Variants in BABAM2 observed in about 807,000 individuals in gnomAD.
BABAM2 encodes the protein BRISC and BRCA1-A complex member 2.
A neutral mutation model predicts 54.7 loss-of-function variants in BABAM2; 31 were observed. The ratio of observed to expected loss-of-function variants is 0.57; its 90% confidence interval spans 0.43 to 0.77. The LOEUF is 0.77. Ranked by LOEUF, BABAM2 falls within the 30% of genes least tolerant of loss-of-function variation. The pLI is 0.00. For synonymous variants in BABAM2, 167 were observed against 162.9 expected (o/e 1.03, Z -0.19); for missense variants, 364 against 455.8 (o/e 0.80, Z 1.83).
chr2:27,959,196 G>A (rs1031910990), intron 3 of BABAM2, among the ~76,000 whole-genome samples: 3 of 152,180 alleles, frequency 2.0e-5, no homozygotes, highest in Non-Finnish European at 4.4e-5. Flanking sequence ...CCACATGCGA[G>A]TCAATGTATT....
At chr2:27,891,552 A>G (rs1191076375) in intron 1 of BABAM2, among the ~76,000 whole-genome samples, 1 of 152,144 alleles carries the variant, frequency 6.6e-6, no homozygotes, top group Non-Finnish European at 1.5e-5. Flanking sequence ...ATATTTGTAT[A>G]TCTGGGGTGT....
At chr2:28,061,891 A>G (rs1678906063) in intron 6 of BABAM2, among the ~76,000 whole-genome samples, 1 of 152,124 alleles carries the variant, frequency 6.6e-6, no homozygotes, top group Non-Finnish European at 1.5e-5. Context: ...AGTCCCAAAC[A>G]CTTTGAGAAC....
chr2:28,086,385 C>T (rs1334615012), intron 6 of BABAM2, among the ~76,000 whole-genome samples: 3 of 151,982 alleles, frequency 2.0e-5, no homozygotes, highest in Admixed American at 1.3e-4. Flanking sequence ...GTTTATTCAC[C>T]ACAATGAATT....
At chr2:28,104,164 A>C (rs1241783372) in intron 6 of BABAM2, among the ~76,000 whole-genome samples, 2 of 152,226 alleles carry the variant, frequency 1.3e-5, no homozygotes, top group Non-Finnish European at 2.9e-5. Flanking sequence ...ACCAAAAGCA[A>C]TGGCAACAAA....
intron 10 of BABAM2, among the ~76,000 whole-genome samples, chr2:28,293,843 C>A (rs924220832): frequency 6.6e-6 from 1 of 151,730 alleles, no homozygotes; most frequent in Non-Finnish European, 1.5e-5. Context: ...CATGGCAAGA[C>A]CCTCATCTCT....
chr2:28,280,082 G>A (rs141752828), intron 10 of BABAM2, among the ~76,000 whole-genome samples: 17 of 149,782 alleles, frequency 1.1e-4, no homozygotes, highest in South Asian at 4.2e-4. Flanking sequence ...TTTTTGAGAC[G>A]GAGTCTTGAT....
At chr2:28,296,243 T>C (rs1303956356) in intron 10 of BABAM2, among the ~76,000 whole-genome samples, 1 of 152,234 alleles carries the variant, frequency 6.6e-6, no homozygotes, top group African/African-American at 2.4e-5. Flanking sequence ...CTTTGCAATA[T>C]GCAGGGACTC....
At chr2:28,132,581 G>A (rs1052752664) in intron 7 of BABAM2, among the ~76,000 whole-genome samples, 5 of 152,028 alleles carry the variant, frequency 3.3e-5, no homozygotes, top group African/African-American at 4.8e-5. Flanking sequence ...TTGCCTCTGT[G>A]CTTTTGCTAA....
chr2:28,232,021 G>C (rs1206964817), intron 7 of BABAM2, among the ~76,000 whole-genome samples: 1 of 151,788 alleles, frequency 6.6e-6, no homozygotes, highest in African/African-American at 2.4e-5. Flanking sequence ...GCCCAGGCTG[G>C]TCTCAAACTC....
intron 6 of BABAM2, among the ~76,000 whole-genome samples, chr2:28,119,992 T>A (rs1169220205): frequency 6.6e-6 from 1 of 152,208 alleles, no homozygotes; most frequent in Non-Finnish European, 1.5e-5. Flanking sequence ...ATTACCACCT[T>A]AGAATGCCAT....
At chr2:28,103,119 A>G (rs935009240) in intron 6 of BABAM2, among the ~76,000 whole-genome samples, 5 of 151,146 alleles carry the variant, frequency 3.3e-5, no homozygotes, top group Admixed American at 3.3e-4. Context: ...GGGAAAATTT[A>G]CTCAATACTT....
intron 2 of BABAM2, among the ~76,000 whole-genome samples, chr2:27,915,520 C>CA (rs5830054): frequency 0.99 from 151,187 of 152,338 alleles, 75,031 homozygotes; most frequent in East Asian, 1. Context: ...GCATCTCAAG[C>CA]GCAATCTAAG....
At chr2:27,989,419 G>A (rs916458799) in intron 4 of BABAM2, among the ~76,000 whole-genome samples, 10 of 152,124 alleles carry the variant, frequency 6.6e-5, no homozygotes, top group African/African-American at 2.2e-4. Flanking sequence ...TATTTCAGGT[G>A]GGGGAATGAC....
At chr2:28,262,040 G>A (rs1051257829) in intron 10 of BABAM2, among the ~76,000 whole-genome samples, 3 of 152,090 alleles carry the variant, frequency 2.0e-5, no homozygotes, top group Admixed American at 6.5e-5. Flanking sequence ...CAGATGTTAC[G>A]AGAATACAGT....
chr2:28,014,261 C>T (rs1284410045), intron 4 of BABAM2, among the ~76,000 whole-genome samples: 1 of 152,086 alleles, frequency 6.6e-6, no homozygotes, highest in Non-Finnish European at 1.5e-5. Flanking sequence ...CAAATAACAA[C>T]ATATTTGATA....
intron 7 of BABAM2, among the ~76,000 whole-genome samples, chr2:28,167,138 A>T (rs1023927027): frequency 3.9e-5 from 6 of 152,202 alleles, no homozygotes; most frequent in African/African-American, 1.4e-4. Context: ...AATCTCACTT[A>T]TGCATATGTT....
intron 7 of BABAM2, among the ~76,000 whole-genome samples, chr2:28,152,407 T>A (rs1363469155): frequency 6.6e-6 from 1 of 152,000 alleles, no homozygotes; most frequent in African/African-American, 2.4e-5. Context: ...CAGGGAAGAG[T>A]TCCCTCAACT....
At chr2:28,317,770 A>G (rs1689686765) in intron 11 of BABAM2, among the ~76,000 whole-genome samples, 1 of 152,164 alleles carries the variant, frequency 6.6e-6, no homozygotes, top group South Asian at 2.1e-4. Flanking sequence ...TTCTTCTCAT[A>G]TTGTTCACAG....
intron 3 of BABAM2, among the ~76,000 whole-genome samples, chr2:27,932,947 C>A (rs1668207216): frequency 6.6e-6 from 1 of 152,234 alleles, no homozygotes; most frequent in Admixed American, 6.5e-5. Flanking sequence ...CCTTCCTCTT[C>A]ATCTTCCTGT....
Sources: gnomAD v4.1 joint callset for allele counts (sites outside exome capture counted in the v4.1 genomes callset) on GRCh38, gnomAD v4.1.1 for gene constraint, MANE v1.5 for transcripts, NCBI Gene and HGNC (gene_info 2026-07-23, HGNC 2026-07-21) for gene names.